The following PTPRD variants were observed in gnomAD, a reference collection of about 807,000 sequenced individuals.
PTPRD encodes the protein receptor-type tyrosine-protein phosphatase delta.
Under a neutral mutation model 214.5 loss-of-function variants are expected in PTPRD, and 34 were observed. That is an observed-to-expected ratio of 0.16 (90% CI 0.12 to 0.21). The LOEUF (loss-of-function observed/expected upper bound fraction) is 0.21, where lower values mean the gene tolerates loss of function less well. Ranked by LOEUF, PTPRD falls within the 10% of genes least tolerant of loss-of-function variation. The probability of loss-of-function intolerance (pLI) is 1.00; values close to 1 mark genes in which losing one functional copy is unlikely to be tolerated. For missense variants in PTPRD, 2,545 were observed against 2,398.7 expected (o/e 1.06, Z -1.27); for synonymous variants, 1,128 against 845.7 (o/e 1.33, Z -5.79).
chr9:9,685,601 T>G (rs2097153000), intron 7 of PTPRD, among the ~76,000 whole-genome samples: 1 of 151,272 alleles, frequency 6.6e-6, no homozygotes, highest in South Asian at 2.1e-4. Context: ...TCAGACACCC[T>G]CATTGAATTA....
At chr9:8,837,735 C>G (rs1478222744) in intron 11 of PTPRD, among the ~76,000 whole-genome samples, 1 of 152,138 alleles carries the variant, frequency 6.6e-6, no homozygotes, top group African/African-American at 2.4e-5. Flanking sequence ...CTTCTAGACT[C>G]AAGTGATTCT....
intron 2 of PTPRD, among the ~76,000 whole-genome samples, chr9:10,470,761 G>T (rs1025733469): frequency 6.6e-6 from 1 of 152,158 alleles, no homozygotes. Flanking sequence ...TTCTAGTAGA[G>T]AACCACTGGA....
intron 14 of PTPRD, among the ~76,000 whole-genome samples, chr9:8,552,000 A>C (rs76457805): frequency 0.051 from 7,740 of 152,264 alleles, 633 homozygotes; most frequent in African/African-American, 0.17. Context: ...ATTGTAGCTA[A>C]GATCCAAGTT....
At chr9:9,581,177 T>C (rs1178050465) in intron 7 of PTPRD, among the ~76,000 whole-genome samples, 3 of 152,128 alleles carry the variant, frequency 2.0e-5, no homozygotes, top group East Asian at 1.9e-4. Flanking sequence ...CTCTAATAAA[T>C]TATAATTAAT....
intron 11 of PTPRD, among the ~76,000 whole-genome samples, chr9:8,884,681 G>C (rs1487306810): frequency 6.6e-6 from 1 of 152,210 alleles, no homozygotes; most frequent in Non-Finnish European, 1.5e-5. Context: ...TTCTGCAGTA[G>C]GCAAATTGAA....
intron 14 of PTPRD, among the ~76,000 whole-genome samples, chr9:8,570,206 T>C (rs933683314): frequency 2.0e-5 from 3 of 152,038 alleles, no homozygotes; most frequent in African/African-American, 7.2e-5. Context: ...TATATGTAAA[T>C]TGAGATTATT....
At chr9:9,914,063 TTC>T (rs753719332) in intron 5 of PTPRD, among the ~76,000 whole-genome samples, 13 of 152,186 alleles carry the variant, frequency 8.5e-5, no homozygotes, top group Non-Finnish European at 1.3e-4. Flanking sequence ...GGTACCACAC[TTC>T]TAGCCAGATA....
intron 14 of PTPRD, among the ~76,000 whole-genome samples, chr9:8,552,691 AAAG>A (rs147168340): frequency 0.03 from 4,619 of 152,232 alleles, 180 homozygotes; most frequent in African/African-American, 0.089. Context: ...ATGCTGGAGG[AAAG>A]AAGAAGCCAA....
At chr9:9,326,062 A>G (rs1003515851) in intron 9 of PTPRD, among the ~76,000 whole-genome samples, 7 of 152,062 alleles carry the variant, frequency 4.6e-5, no homozygotes, top group African/African-American at 1.7e-4. Flanking sequence ...CTTGGTGGAT[A>G]AGCTTTTTGA....
Position 10,308,177 on chromosome 9 carries a change from T to C in PTPRD, c.-545+32786A>G, listed in dbSNP as rs143964806. Among the ~76,000 whole-genome samples the C allele has an allele frequency of 4.1e-4, 63 of 152,138 alleles. 1 individual carries two copies. The highest frequency in any genetic ancestry group is 1.4e-3 in the African/African-American group (58 of 41,540). ...CTGAAGTGTTTTTCCTGTTTTCTTATAGTAGTTTTGTAATTTCACCTCTTG... is the reference window on the plus strand; with the variant it reads ...CTGAAGTGTTTTTCCTGTTTTCTTACAGTAGTTTTGTAATTTCACCTCTTG... On this transcript the variant is annotated intron_variant, in intron 3 of 45. Transcript: ENST00000381196.
At chr9:10,482,385 T>A (rs2099106270) in intron 2 of PTPRD, among the ~76,000 whole-genome samples, 1 of 151,316 alleles carries the variant, frequency 6.6e-6, no homozygotes, top group Non-Finnish European at 1.5e-5. Flanking sequence ...AATAAATAAA[T>A]AAATAAGTAA....
chr9:9,309,479 A>T (rs1471740242), intron 9 of PTPRD, among the ~76,000 whole-genome samples: 1 of 152,206 alleles, frequency 6.6e-6, no homozygotes, highest in Non-Finnish European at 1.5e-5. Flanking sequence ...CTGCATTAAA[A>T]TACATATTCT....
intron 5 of PTPRD, among the ~76,000 whole-genome samples, chr9:9,894,809 T>C (rs928433341): frequency 1.3e-5 from 2 of 152,092 alleles, no homozygotes; most frequent in African/African-American, 4.8e-5. Context: ...ACATACACGG[T>C]AATAAGTGTT....
intron 11 of PTPRD, among the ~76,000 whole-genome samples, chr9:8,744,218 A>G (rs1271972821): frequency 6.6e-6 from 1 of 152,202 alleles, no homozygotes; most frequent in Non-Finnish European, 1.5e-5. Flanking sequence ...AACTAGTAAA[A>G]CCGCTATGGA....
chr9:10,475,676 G>A (rs2099058088), intron 2 of PTPRD, among the ~76,000 whole-genome samples: 2 of 151,848 alleles, frequency 1.3e-5, no homozygotes, highest in Non-Finnish European at 1.5e-5. Flanking sequence ...GACACAACTA[G>A]TAAAGAAAAT....
At chr9:8,964,929 T>C (rs1054655334) in intron 11 of PTPRD, among the ~76,000 whole-genome samples, 1 of 152,176 alleles carries the variant, frequency 6.6e-6, no homozygotes, top group Non-Finnish European at 1.5e-5. Context: ...ATAATTTTGA[T>C]TTTTTAAAAA....
chr9:9,898,089 A>C (rs144035843), intron 5 of PTPRD, among the ~76,000 whole-genome samples: 360 of 152,250 alleles, frequency 2.4e-3, no homozygotes, highest in African/African-American at 7.6e-3. Flanking sequence ...CAACATAGAG[A>C]AACTAAGGAA....
At chr9:9,581,755 T>C (rs1322334914) in intron 7 of PTPRD, among the ~76,000 whole-genome samples, 1 of 152,150 alleles carries the variant, frequency 6.6e-6, no homozygotes, top group African/African-American at 2.4e-5. Context: ...AAAGTTGGAA[T>C]GACTGGCAAG....
chr9:9,981,354 A>ATTATT (rs36081416), intron 4 of PTPRD, among the ~76,000 whole-genome samples: 2 of 138,192 alleles, frequency 1.4e-5, no homozygotes, highest in Admixed American at 7.4e-5. Context: ...ACATTAAACA[A>ATTATT]TTTTTTTTTT....
Sources: gnomAD v4.1 joint callset for allele counts (sites outside exome capture counted in the v4.1 genomes callset) on GRCh38, gnomAD v4.1.1 for gene constraint, MANE v1.5 for transcripts, NCBI Gene and HGNC (gene_info 2026-07-23, HGNC 2026-07-21) for gene names.